Variants in CDH18 observed in about 807,000 individuals in gnomAD.
CDH18 encodes cadherin 18, also known as cadherin-18.
CDH18 carries 31 observed loss-of-function variants against 67.9 expected under a neutral mutation model. The ratio of observed to expected loss-of-function variants is 0.46; its 90% CI spans 0.34 to 0.62. The LOEUF (loss-of-function observed/expected upper bound fraction) is 0.62, where lower values mean the gene tolerates loss of function less well. CDH18 is among the 20% of genes least tolerant of loss of function. The pLI is 0.01. For synonymous variants in CDH18, 362 were observed against 347.2 expected (o/e 1.04, Z -0.48); for missense variants, 890 against 975.5 (o/e 0.91, Z 1.17).
At chr5:20,457,739 G>A in intron 1 of CDH18, among the ~76,000 whole-genome samples, 1 of 152,118 alleles carries the variant, frequency 6.6e-6, no homozygotes, top group African/African-American at 2.4e-5. Context: ...TATAAACAAT[G>A]CCTTAAGATA....
chr5:20,306,468 T>C (rs1259232447), intron 1 of CDH18, among the ~76,000 whole-genome samples: 1 of 152,192 alleles, frequency 6.6e-6, no homozygotes, highest in Non-Finnish European at 1.5e-5. Context: ...TAATCTACCA[T>C]CCTTCCCTAT....
intron 1 of CDH18, among the ~76,000 whole-genome samples, chr5:20,376,091 A>ATTTTTTTTTGTTTTTTT (rs1743398410): frequency 2.0e-5 from 1 of 49,748 alleles, no homozygotes; most frequent in African/African-American, 6.2e-5. Flanking sequence ...AAAAGAAACA[A>ATTTTTTTTTGTTTTTTT]TTTTTTTTTT....
chr5:19,884,642 CTG>C (rs1415233203), intron 2 of CDH18, among the ~76,000 whole-genome samples: 1 of 151,762 alleles, frequency 6.6e-6, no homozygotes, highest in Non-Finnish European at 1.5e-5. Context: ...TATGACAACT[CTG>C]TGTTTTAAAA....
chr5:19,954,710 G>T (rs1466759707), intron 2 of CDH18, among the ~76,000 whole-genome samples: 1 of 151,980 alleles, frequency 6.6e-6, no homozygotes, highest in Non-Finnish European at 1.5e-5. Flanking sequence ...ATATATTCAT[G>T]TATATATTTT....
intron 9 of CDH18, among the ~76,000 whole-genome samples, chr5:19,522,331 C>T (rs1378652722): frequency 1.3e-5 from 2 of 151,812 alleles, no homozygotes; most frequent in Non-Finnish European, 2.9e-5. Flanking sequence ...TTAAAGGAAC[C>T]TATGAATAAA....
At chr5:20,385,027 G>C (rs893757859) in intron 1 of CDH18, among the ~76,000 whole-genome samples, 5 of 151,918 alleles carry the variant, frequency 3.3e-5, no homozygotes, top group African/African-American at 1.2e-4. Flanking sequence ...AGTAGAGATG[G>C]GGTTTCGCCA....
chr5:20,520,168 T>C (rs1257650608), intron 1 of CDH18, among the ~76,000 whole-genome samples: 1 of 151,770 alleles, frequency 6.6e-6, no homozygotes, highest in Non-Finnish European at 1.5e-5. Context: ...CTGAAGATTA[T>C]CTGGGACTGA....
intron 1 of CDH18, among the ~76,000 whole-genome samples, chr5:20,543,596 A>G (rs569220352): frequency 1.3e-5 from 2 of 152,268 alleles, no homozygotes; most frequent in East Asian, 3.9e-4. Context: ...TAGAAGTTGT[A>G]TAAAGCTGCC....
chr5:19,570,351 A>G (rs993465448), intron 8 of CDH18, among the ~76,000 whole-genome samples: 2 of 152,134 alleles, frequency 1.3e-5, no homozygotes, highest in African/African-American at 4.8e-5. Flanking sequence ...TCTTGCTGTT[A>G]GTGTGACAGG....
chr5:20,303,571 C>T (rs1736127712), intron 1 of CDH18, among the ~76,000 whole-genome samples: 1 of 152,060 alleles, frequency 6.6e-6, no homozygotes, highest in African/African-American at 2.4e-5. Flanking sequence ...GCGTCGCAGC[C>T]CGGTTCATTT....
Position 19,902,984 on chromosome 5 carries a change from T to C in CDH18, c.-256-63742A>G, listed in dbSNP as rs1790110466. Among the ~76,000 whole-genome samples, 4 of 152,178 alleles carry C rather than the reference T, an allele frequency of 2.6e-5. No homozygotes were observed. The South Asian group carries it at 6.2e-4, about 24-fold the overall frequency. ...CTATCATTTTCATTATAAAGTATTA[T>C]TATTTTAAAACTTTGTTAAAATATT... On this transcript the variant is annotated intron_variant, in intron 2 of 12. Transcript: ENST00000382275.
chr5:20,060,410 G>T (rs1742363668), intron 2 of CDH18, among the ~76,000 whole-genome samples: 1 of 152,022 alleles, frequency 6.6e-6, no homozygotes, highest in Non-Finnish European at 1.5e-5. Flanking sequence ...GTTGCAGTGA[G>T]CCAAGATTGC....
At chr5:20,089,930 A>T (rs1017920828) in intron 2 of CDH18, among the ~76,000 whole-genome samples, 11 of 152,172 alleles carry the variant, frequency 7.2e-5, no homozygotes, top group Non-Finnish European at 2.9e-5. Context: ...TTCTATTAAT[A>T]TCTTCTACAA....
intron 2 of CDH18, among the ~76,000 whole-genome samples, chr5:19,980,772 C>T (rs954654445): frequency 1.3e-5 from 2 of 152,178 alleles, no homozygotes; most frequent in African/African-American, 2.4e-5. Flanking sequence ...CTCCCTGCAA[C>T]GCTACAGTTG....
intron 2 of CDH18, among the ~76,000 whole-genome samples, chr5:20,020,174 T>C (rs1211856525): frequency 2.6e-5 from 4 of 152,178 alleles, no homozygotes; most frequent in Non-Finnish European, 5.9e-5. Context: ...CTTCTAACAG[T>C]GTATGCTTAT....
At chr5:19,949,795 TA>T (rs1795614065) in intron 2 of CDH18, among the ~76,000 whole-genome samples, 4 of 152,128 alleles carry the variant, frequency 2.6e-5, no homozygotes, top group East Asian at 3.9e-4. Flanking sequence ...TATAACATTT[TA>T]AATTTTGACC....
intron 9 of CDH18, among the ~76,000 whole-genome samples, chr5:19,541,120 G>C (rs770650667): frequency 6.6e-6 from 1 of 152,080 alleles, no homozygotes; most frequent in Non-Finnish European, 1.5e-5. Context: ...TAGGGCAGGG[G>C]CAAAAAGCTG....
intron 2 of CDH18, among the ~76,000 whole-genome samples, chr5:20,220,232 G>GGT (rs1465831542): frequency 6.6e-6 from 1 of 151,780 alleles, no homozygotes; most frequent in Non-Finnish European, 1.5e-5. Flanking sequence ...ATACTACAGA[G>GGT]GTATATATAG....
At chr5:19,964,308 C>T (rs1383745350) in intron 2 of CDH18, among the ~76,000 whole-genome samples, 1 of 151,328 alleles carries the variant, frequency 6.6e-6, no homozygotes, top group Admixed American at 6.6e-5. Flanking sequence ...AGATTGGGTG[C>T]AGTGGCTCAT....
Sources: gnomAD v4.1 joint callset for allele counts (sites outside exome capture counted in the v4.1 genomes callset) on GRCh38, gnomAD v4.1.1 for gene constraint, MANE v1.5 for transcripts, NCBI Gene and HGNC (gene_info 2026-07-23, HGNC 2026-07-21) for gene names.